The following PDE10A variants were observed in gnomAD, a reference collection of about 807,000 sequenced individuals.
PDE10A encodes phosphodiesterase 10A, also known as cAMP and cAMP-inhibited cGMP 3',5'-cyclic phosphodiesterase 10A.
In PDE10A, 39 loss-of-function variants were observed where a neutral mutation model predicts 97.7. That is an observed-to-expected ratio of 0.40 (90% CI 0.31 to 0.52). The LOEUF (loss-of-function observed/expected upper bound fraction) is 0.52. Ranked by LOEUF, PDE10A falls within the 20% of genes least tolerant of loss-of-function variation. The pLI is 0.56. For synonymous variants in PDE10A, 371 were observed against 376.8 expected (o/e 0.98, Z 0.18); for missense variants, 731 against 1,047.8 (o/e 0.70, Z 4.17).
At chr6:165,722,742 A>T (rs532394254) in intron 1 of PDE10A, among the ~76,000 whole-genome samples, 2 of 152,218 alleles carry the variant, frequency 1.3e-5, no homozygotes, top group East Asian at 3.9e-4. Context: ...CATGTACGTA[A>T]GTTATATGAA....
At chr6:165,756,570 A>AT (rs1212021967) in intron 1 of PDE10A, among the ~76,000 whole-genome samples, 1 of 152,012 alleles carries the variant, frequency 6.6e-6, no homozygotes, top group Non-Finnish European at 1.5e-5. Flanking sequence ...TTTCCATTCC[A>AT]TTTATAGACT....
At chr6:165,920,543 TACACACACAC>T (rs55746374) in intron 1 of PDE10A, among the ~76,000 whole-genome samples, 5 of 149,284 alleles carry the variant, frequency 3.3e-5, no homozygotes, top group African/African-American at 9.8e-5. Flanking sequence ...AGACTGGGCT[TACACACACAC>T]ACACACACAC....
At chr6:165,874,670 C>T (rs1282520921) in intron 1 of PDE10A, among the ~76,000 whole-genome samples, 2 of 152,162 alleles carry the variant, frequency 1.3e-5, no homozygotes, top group East Asian at 1.9e-4. Flanking sequence ...AATCTCTGCA[C>T]AGTTCAAATT....
chr6:165,529,524 T>C (rs371247586), intron 2 of PDE10A, among the ~76,000 whole-genome samples: 1 of 152,140 alleles, frequency 6.6e-6, no homozygotes, highest in African/African-American at 2.4e-5. Context: ...TAGAAGAAGG[T>C]AGTCATCATA....
chr6:165,366,441 G>C (rs967918494), intron 18 of PDE10A, among the ~76,000 whole-genome samples: 1 of 152,142 alleles, frequency 6.6e-6, no homozygotes, highest in African/African-American at 2.4e-5. Flanking sequence ...AAAGTTTTAA[G>C]ATTCTGGTAA....
intron 1 of PDE10A, among the ~76,000 whole-genome samples, chr6:165,630,893 A>AGCT (rs1276958855): frequency 6.6e-6 from 1 of 152,208 alleles, no homozygotes; most frequent in East Asian, 1.9e-4. Context: ...CAAAACGGGC[A>AGCT]GCTCCTCTAG....
At chr6:165,473,258 A>G (rs1779113935) in intron 3 of PDE10A, among the ~76,000 whole-genome samples, 1 of 152,230 alleles carries the variant, frequency 6.6e-6, no homozygotes, top group South Asian at 2.1e-4. Context: ...TGAAGAAGAC[A>G]CTAGAAATAA....
chr6:165,471,810 C>A (rs965239318), intron 3 of PDE10A, among the ~76,000 whole-genome samples: 1 of 152,166 alleles, frequency 6.6e-6, no homozygotes, highest in Non-Finnish European at 1.5e-5. Context: ...ACTTACTACA[C>A]TAGCCTTCTA....
intron 1 of PDE10A, among the ~76,000 whole-genome samples, chr6:165,967,245 T>A (rs1405346844): frequency 1.3e-5 from 2 of 152,148 alleles, no homozygotes; most frequent in Non-Finnish European, 2.9e-5. Flanking sequence ...ACGCCTGTAA[T>A]CTTAACTTTG....
At chr6:165,881,407 T>C (rs1781473797) in intron 1 of PDE10A, among the ~76,000 whole-genome samples, 1 of 145,616 alleles carries the variant, frequency 6.9e-6, no homozygotes, top group Non-Finnish European at 1.5e-5. Context: ...TTTTTTTTTT[T>C]TTTTTTTGAG....
chr6:165,473,681 T>C (rs1331052847), intron 3 of PDE10A, among the ~76,000 whole-genome samples: 1 of 152,150 alleles, frequency 6.6e-6, no homozygotes, highest in Non-Finnish European at 1.5e-5. Context: ...GCCTGTATTT[T>C]GAAGCAAAGG....
intron 1 of PDE10A, among the ~76,000 whole-genome samples, chr6:165,951,807 C>G (rs1263604518): frequency 6.6e-6 from 1 of 152,218 alleles, no homozygotes; most frequent in Non-Finnish European, 1.5e-5. Flanking sequence ...TGACCTGGCT[C>G]TTTTAATACA....
chr6:165,663,544 G>C (rs957876722), upstream of PDE10A, among the ~76,000 whole-genome samples: 1 of 152,234 alleles, frequency 6.6e-6, no homozygotes, highest in Admixed American at 6.5e-5. Flanking sequence ...TCCTGGTAGC[G>C]GGCCAGCAGC....
At chr6:165,904,366 A>T (rs1782204839) in intron 1 of PDE10A, among the ~76,000 whole-genome samples, 1 of 152,180 alleles carries the variant, frequency 6.6e-6, no homozygotes. Flanking sequence ...GAGACAAGGA[A>T]GTCTCTATGA....
chr6:165,388,969 T>G lies in PDE10A; in HGVS notation c.2455-516A>C, dbSNP rs1785490910. ...AAATTAGAGAAAGTCAGGCTGAGTA[T>G]GAAATAAACTAGGCAGGCACACCTC... is the stretch of plus-strand genomic sequence containing the variant. On this transcript the variant is annotated intron_variant, in intron 16 of 21. Transcript: ENST00000539869. This position sits in a 1 kb window ranked among gnomAD's most constrained non-coding sequence, Gnocchi z 4.0. Among the ~76,000 whole-genome samples the G allele has an allele frequency of 6.6e-6, 1 of 152,038 alleles. No individual in the cohort carries two copies. Among genetic ancestry groups the G allele is most frequent in the Admixed American group, 6.6e-5 (1 of 15,266 alleles).
At chr6:165,520,612 G>A (rs896731262) in intron 2 of PDE10A, among the ~76,000 whole-genome samples, 8 of 152,144 alleles carry the variant, frequency 5.3e-5, no homozygotes, top group African/African-American at 1.9e-4. Flanking sequence ...CAGGCCCAGA[G>A]CTACTTATAG....
intron 1 of PDE10A, among the ~76,000 whole-genome samples, chr6:165,597,382 A>G: frequency 6.6e-6 from 1 of 152,326 alleles, no homozygotes; most frequent in East Asian, 1.9e-4. Flanking sequence ...ATGGAGAATT[A>G]GTCAAAAAGA....
chr6:165,446,484 T>C (rs1790856619), intron 5 of PDE10A, among the ~76,000 whole-genome samples: 1 of 152,200 alleles, frequency 6.6e-6, no homozygotes, highest in Non-Finnish European at 1.5e-5. Context: ...CTTAGCTATC[T>C]AGGTGGAATG....
intron 6 of PDE10A, among the ~76,000 whole-genome samples, 164 bp downstream of exon 6, chr6:165,435,073 C>G (rs1489670058): frequency 5.9e-5 from 9 of 152,164 alleles, no homozygotes; most frequent in Non-Finnish European, 8.8e-5. Flanking sequence ...AGGGAATTTT[C>G]TGAGTACAAA....
Sources: gnomAD v4.1 joint callset for allele counts (sites outside exome capture counted in the v4.1 genomes callset) on GRCh38, gnomAD v4.1.1 for gene constraint, Gnocchi (gnomAD v3.1) non-coding constraint, MANE v1.5 for transcripts, NCBI Gene and HGNC (gene_info 2026-07-23, HGNC 2026-07-21) for gene names.